The following IMPA2 variants were observed in gnomAD, a reference collection of about 807,000 sequenced individuals.
IMPA2 encodes inositol monophosphatase 2, also known as IMP 2.
IMPA2 carries 32 observed loss-of-function variants against 35.1 expected under a neutral mutation model. The observed-to-expected ratio is 0.91, with a 90% CI of 0.69 to 1.23. The LOEUF (loss-of-function observed/expected upper bound fraction) is 1.23. IMPA2 is among the 50% of genes most tolerant of loss of function. IMPA2 has a pLI of 0.00. For missense variants in IMPA2, 334 were observed against 387.6 expected (o/e 0.86, Z 1.16); for synonymous variants, 135 against 160.6 (o/e 0.84, Z 1.20).
intron 1 of IMPA2, among the ~76,000 whole-genome samples, chr18:11,995,704 C>T (rs72873549): frequency 0.094 from 14,346 of 152,024 alleles, 897 homozygotes; most frequent in East Asian, 0.29. Context: ...TGGTCTAGCT[C>T]CAGGAGGTGG....
At chr18:12,020,375 T>C (rs1007004556) in intron 5 of IMPA2, among the ~76,000 whole-genome samples, 5 of 152,178 alleles carry the variant, frequency 3.3e-5, no homozygotes, top group African/African-American at 9.6e-5. Context: ...GTATTTTTAG[T>C]AGAGATGGTG....
At chr18:12,000,902 A>G (rs1001615293) in intron 2 of IMPA2, among the ~76,000 whole-genome samples, 1 of 148,224 alleles carries the variant, frequency 6.7e-6, no homozygotes, top group Non-Finnish European at 1.5e-5. Flanking sequence ...GGTGTGATCC[A>G]CTACGCCCGG....
chr18:11,985,195 A>C (rs1222274419), intron 1 of IMPA2, among the ~76,000 whole-genome samples: 1 of 151,874 alleles, frequency 6.6e-6, no homozygotes, highest in Non-Finnish European at 1.5e-5. Context: ...TACAAATTCA[A>C]ACTTAGATAT....
Position 12,028,840 on chromosome 18 carries a change from A to G in IMPA2, c.600-2A>G. The G allele has an allele frequency of 6.2e-7, 1 of 1,613,536 alleles. No individual in the cohort carries two copies. The highest frequency in any genetic ancestry group is 8.5e-7 in the Non-Finnish European group (1 of 1,179,794). On this transcript the variant is annotated splice_acceptor_variant, in intron 6 of 7. Coordinates refer to ENST00000269159, the MANE Select transcript of IMPA2 (RefSeq NM_014214.3). LOFTEE classifies it high-confidence loss of function. Reference sequence around the variant, plus strand: ...CATCTGTCCTCCCTTCCCTCTCCCCAGGGTCCGAGTGATTGGAAGCTCCAC... The same window carrying G: ...CATCTGTCCTCCCTTCCCTCTCCCCGGGGTCCGAGTGATTGGAAGCTCCAC...
In IMPA2 at chr18:12,024,257, G is replaced by A. The variant is rs556873984; in HGVS notation, c.491-3786G>A. ...TTTTAAAAAGCACTGTGTGAGATGG[G>A]TTGATCACCTGAGATCAGCAGTTTG... On this transcript the variant is annotated intron_variant, in intron 5 of 7. Coordinates refer to ENST00000269159, the MANE Select transcript of IMPA2 (RefSeq NM_014214.3). Among the ~76,000 whole-genome samples the A allele has an allele frequency of 1.3e-4, 20 of 152,314 alleles. No individual in the cohort carries two copies. In the South Asian group the frequency reaches 3.1e-3, roughly 24 times the overall value.
chr18:12,008,935 G>A lies in IMPA2; in HGVS notation c.231-948G>A, dbSNP rs553664812. ...GGCCTGCTGCAGAGTGCAGGAGCAG[G>A]CCGCCCATGTCCCTCTAGCAGGAAT... On this transcript the variant is annotated intron_variant, in intron 2 of 7. Coordinates refer to ENST00000269159, the MANE Select transcript of IMPA2 (RefSeq NM_014214.3). Among the ~76,000 whole-genome samples, 4 of 152,248 alleles carry A rather than the reference G, an allele frequency of 2.6e-5. No homozygotes were observed. In the South Asian group the frequency reaches 8.3e-4, roughly 32 times the overall value.
intron 1 of IMPA2, among the ~76,000 whole-genome samples, chr18:11,987,182 A>G (rs1332330978): frequency 2.0e-5 from 3 of 152,160 alleles, no homozygotes; most frequent in Non-Finnish European, 2.9e-5. Context: ...TTTCTCATTC[A>G]CTAGGTCTGG....
At chr18:11,984,043 C>T (rs1489640453) in intron 1 of IMPA2, among the ~76,000 whole-genome samples, 1 of 152,082 alleles carries the variant, frequency 6.6e-6, no homozygotes, top group African/African-American at 2.4e-5. Flanking sequence ...TCTCAGCTGC[C>T]CCTGAGATGG....
At chr18:11,985,399 G>T (rs1906637781) in intron 1 of IMPA2, among the ~76,000 whole-genome samples, 2 of 152,084 alleles carry the variant, frequency 1.3e-5, no homozygotes, top group African/African-American at 4.8e-5. Context: ...TACTTTATAT[G>T]GGGAGAATAG....
chr18:11,989,017 G>A (rs75459253), intron 1 of IMPA2, among the ~76,000 whole-genome samples: 4,208 of 152,108 alleles, frequency 0.028, 74 homozygotes, highest in South Asian at 0.045. Flanking sequence ...TTGTACAGAC[G>A]GGGTTTCACT....
chr18:12,029,445 C>T (rs1340230403), intron 7 of IMPA2, among the ~76,000 whole-genome samples: 8 of 145,878 alleles, frequency 5.5e-5, no homozygotes, highest in East Asian at 2.1e-4. Flanking sequence ...TTTTTTGACA[C>T]GGAGTTTCAC....
chr18:12,007,614 CTTTCTTTTTCTTTCTTCT>C (rs1396408142), intron 2 of IMPA2, among the ~76,000 whole-genome samples: 1 of 136,212 alleles, frequency 7.3e-6, no homozygotes, highest in South Asian at 2.4e-4. Context: ...CTCTTTCTTT[CTTTCTTTTTCTTTCTTCT>C]TTCTTTCTTT....
intron 4 of IMPA2, among the ~76,000 whole-genome samples, chr18:12,012,842 C>A (rs1336784575): frequency 1.3e-5 from 2 of 152,320 alleles, no homozygotes; most frequent in South Asian, 2.1e-4. Context: ...AGCAGCCCTG[C>A]TTCAGAGCAG....
At chr18:11,996,560 C>T (rs1452231552) in intron 1 of IMPA2, among the ~76,000 whole-genome samples, 1 of 152,116 alleles carries the variant, frequency 6.6e-6, no homozygotes, top group Non-Finnish European at 1.5e-5. Context: ...CACCTGCCCA[C>T]CCCGCCCGCT....
chr18:12,027,187 C>T (rs750155104), intron 5 of IMPA2, among the ~76,000 whole-genome samples: 1 of 152,186 alleles, frequency 6.6e-6, no homozygotes, highest in Non-Finnish European at 1.5e-5. Flanking sequence ...GGGACATGAC[C>T]GAAGTTTGGC....
intron 1 of IMPA2, among the ~76,000 whole-genome samples, chr18:11,995,302 C>T (rs185252566): frequency 5.9e-5 from 9 of 152,308 alleles, no homozygotes; most frequent in African/African-American, 1.4e-4. Flanking sequence ...GAATGGGACA[C>T]GAGGAAGTGC....
intron 5 of IMPA2, among the ~76,000 whole-genome samples, 186 bp downstream of exon 5, chr18:12,014,559 C>T (rs45459505): frequency 0.019 from 2,922 of 152,128 alleles, 41 homozygotes; most frequent in South Asian, 0.057. Context: ...TTTTTGTTCA[C>T]GTGGCCAGGA....
At chr18:11,986,355 C>G (rs1488047528) in intron 1 of IMPA2, among the ~76,000 whole-genome samples, 2 of 152,112 alleles carry the variant, frequency 1.3e-5, no homozygotes, top group Non-Finnish European at 2.9e-5. Flanking sequence ...GCTCCTGAGC[C>G]CCTTCCTTCA....
chr18:12,007,579 T>TTTCC (rs1485401832), intron 2 of IMPA2, among the ~76,000 whole-genome samples: 1 of 112,470 alleles, frequency 8.9e-6, no homozygotes, highest in African/African-American at 3.8e-5. Flanking sequence ...CCTTCTTTTC[T>TTTCC]TTCTTTTCTT....
Sources: gnomAD v4.1 joint callset for allele counts (sites outside exome capture counted in the v4.1 genomes callset) on GRCh38, gnomAD v4.1.1 for gene constraint, MANE v1.5 for transcripts, NCBI Gene and HGNC (gene_info 2026-07-23, HGNC 2026-07-21) for gene names.